ADAMTS12: variants seen among roughly 807,000 people sequenced by gnomAD.
The protein encoded by ADAMTS12 is ADAM metallopeptidase with thrombospondin type 1 motif 12.
ADAMTS12 carries 118 observed loss-of-function variants against 167.8 expected under a neutral mutation model. The observed-to-expected ratio is 0.70, with a 90% CI of 0.61 to 0.82. The LOEUF is 0.82. Among genes scored for constraint, ADAMTS12 ranks in the 40% least tolerant of loss-of-function variants. The pLI, the probability that ADAMTS12 is intolerant of heterozygous loss-of-function variation, is 0.00. For missense variants in ADAMTS12, 1,916 were observed against 1,998.8 expected (o/e 0.96, Z 0.79); for synonymous variants, 704 against 716.9 (o/e 0.98, Z 0.29).
intron 17 of ADAMTS12, among the ~76,000 whole-genome samples, chr5:33,590,734 G>A (rs1423998750): frequency 6.6e-6 from 1 of 152,134 alleles, no homozygotes; most frequent in Non-Finnish European, 1.5e-5. Flanking sequence ...CCGCGGCCTC[G>A]CAAAGTGCTG....
Position 33,576,197 on chromosome 5 carries a change from G to C in ADAMTS12, c.3829C>G (p.Gln1277Glu), listed in dbSNP as rs1746702068. The change falls in exon 19 of 24, where the codon CAA (glutamine) becomes GAA (glutamate). Residue 1277 changes from glutamine (Q) to glutamate (E), a missense_variant. Coordinates refer to ENST00000504830, the MANE Select transcript of ADAMTS12 (RefSeq NM_030955.4). ...NHLKLPNNMN[Q>E]TKSSEPVLTE... Reference sequence around the variant, plus strand: ...AGGACTGGTTCAGAACTTTTTGTTTGGTTCATGTTGTTTGGAAGTTTCAGG... The same window carrying C: ...AGGACTGGTTCAGAACTTTTTGTTTCGTTCATGTTGTTTGGAAGTTTCAGG... 1.9e-6 allele frequency: 3 copies of C among 1,614,146 alleles called. No homozygotes were observed. The highest frequency in any genetic ancestry group is 2.5e-6 in the Non-Finnish European group (3 of 1,180,014).
intron 16 of ADAMTS12, among the ~76,000 whole-genome samples, chr5:33,598,199 C>T (rs1468538992): frequency 6.6e-6 from 1 of 152,104 alleles, no homozygotes; most frequent in Non-Finnish European, 1.5e-5. Context: ...CTTCTCTCAG[C>T]AACTGCATTC....
intron 2 of ADAMTS12, among the ~76,000 whole-genome samples, chr5:33,823,205 A>G (rs1747928972): frequency 6.6e-6 from 1 of 152,160 alleles, no homozygotes; most frequent in Non-Finnish European, 1.5e-5. Context: ...ATTATACACA[A>G]CTGAGAGCTT....
intron 2 of ADAMTS12, among the ~76,000 whole-genome samples, chr5:33,816,875 C>T (rs1747674528): frequency 6.6e-6 from 1 of 152,170 alleles, no homozygotes; most frequent in South Asian, 2.1e-4. Flanking sequence ...ACCTACAACT[C>T]TAGCTCTTTA....
intron 3 of ADAMTS12, among the ~76,000 whole-genome samples, chr5:33,684,749 G>A (rs1742263055): frequency 6.6e-6 from 1 of 152,194 alleles, no homozygotes; most frequent in African/African-American, 2.4e-5. Context: ...GTTTTAGTAT[G>A]AAAAGGATTT....
At chr5:33,612,021 T>C (rs1317101556) in intron 16 of ADAMTS12, among the ~76,000 whole-genome samples, 3 of 152,234 alleles carry the variant, frequency 2.0e-5, no homozygotes, top group African/African-American at 7.2e-5. Flanking sequence ...TAAAAATCCA[T>C]CACTGAATGA....
chr5:33,529,463 T>C (rs1229383308), intron 23 of ADAMTS12, among the ~76,000 whole-genome samples: 1 of 152,192 alleles, frequency 6.6e-6, no homozygotes, highest in Non-Finnish European at 1.5e-5. Flanking sequence ...TCATCTTTCT[T>C]TCTCCTTTAC....
chr5:33,557,475 C>T (rs1561124015), intron 20 of ADAMTS12, among the ~76,000 whole-genome samples: 1 of 152,088 alleles, frequency 6.6e-6, no homozygotes, highest in African/African-American at 2.4e-5. Context: ...TTTCTTAGCA[C>T]ATGATTTGGA....
intron 3 of ADAMTS12, among the ~76,000 whole-genome samples, chr5:33,695,264 C>G (rs939343468): frequency 1.3e-5 from 2 of 152,190 alleles, no homozygotes; most frequent in Non-Finnish European, 2.9e-5. Flanking sequence ...TCCTCACCCT[C>G]ACCTTGTGAA....
chr5:33,639,225 G>A (rs749127742), intron 11 of ADAMTS12, among the ~76,000 whole-genome samples: 9 of 152,026 alleles, frequency 5.9e-5, no homozygotes, highest in Non-Finnish European at 7.4e-5. Context: ...TTTGGTTATC[G>A]TGAATAATAA....
intron 18 of ADAMTS12, among the ~76,000 whole-genome samples, chr5:33,577,595 C>A (rs1214714745): frequency 6.6e-6 from 1 of 152,070 alleles, no homozygotes; most frequent in East Asian, 1.9e-4. Context: ...TATAAGGAAC[C>A]TTTCCCTTTC....
At chr5:33,561,331 C>T (rs968556362) in intron 19 of ADAMTS12, 152 bp from the exon 20 acceptor site, 1 of 914,980 alleles carries the variant, frequency 1.1e-6, no homozygotes, top group Admixed American at 3.0e-5. Context: ...GCACCCCACT[C>T]ACACAAATTA....
chr5:33,650,480 T>C (rs759321678), intron 7 of ADAMTS12, among the ~76,000 whole-genome samples: 5 of 152,248 alleles, frequency 3.3e-5, no homozygotes, highest in Non-Finnish European at 7.3e-5. Flanking sequence ...TAGCTTATTT[T>C]CCTTTTCCAT....
At chr5:33,869,173 G>A (rs1476193991) in intron 2 of ADAMTS12, among the ~76,000 whole-genome samples, 2 of 152,126 alleles carry the variant, frequency 1.3e-5, no homozygotes, top group African/African-American at 4.8e-5. Flanking sequence ...GCAACCTTGG[G>A]ACACTGCTCC....
At chr5:33,696,883 C>A (rs1331914927) in intron 3 of ADAMTS12, among the ~76,000 whole-genome samples, 1 of 152,172 alleles carries the variant, frequency 6.6e-6, no homozygotes, top group South Asian at 2.1e-4. Flanking sequence ...CAGTTCTTTT[C>A]GGCTTAATAT....
rs757700173 is a variant in ADAMTS12 at position 33,614,392 on chromosome 5, G to T, written c.2389-16C>A. The T allele has an allele frequency of 1.9e-6, 3 of 1,613,428 alleles. No homozygotes were observed. The East Asian group carries it at 6.7e-5, about 36-fold the overall frequency. On this transcript the variant is annotated splice_polypyrimidine_tract_variant and intron_variant, in intron 15 of 23. Transcript: ENST00000504830. Reference sequence around the variant, plus strand: ...GGAATAGAAGCTAAAAGGCAAGAGAGGGGTCATGTCAAACTGTCATGACTT... The same window carrying T: ...GGAATAGAAGCTAAAAGGCAAGAGATGGGTCATGTCAAACTGTCATGACTT...
chr5:33,838,643 C>T (rs985758920), intron 2 of ADAMTS12, among the ~76,000 whole-genome samples: 1 of 152,086 alleles, frequency 6.6e-6, no homozygotes, highest in African/African-American at 2.4e-5. Context: ...GATCGTGCCA[C>T]TGCGCTCCAG....
chr5:33,636,751 A>G (rs1740216716), intron 12 of ADAMTS12, among the ~76,000 whole-genome samples: 2 of 152,188 alleles, frequency 1.3e-5, no homozygotes, highest in African/African-American at 4.8e-5. Context: ...TAACACAGGA[A>G]AATCTTTTCT....
intron 16 of ADAMTS12, among the ~76,000 whole-genome samples, chr5:33,602,387 T>C (rs1156698833): frequency 2.0e-5 from 3 of 152,250 alleles, no homozygotes; most frequent in Non-Finnish European, 4.4e-5. Flanking sequence ...TTTAGTAAAC[T>C]ATATGATCCT....
Sources: allele counts gnomAD v4.1 joint callset (sites outside exome capture counted in the v4.1 genomes callset), GRCh38; gene constraint gnomAD v4.1.1; transcripts MANE v1.5; gene names NCBI Gene and HGNC (gene_info 2026-07-23, HGNC 2026-07-21).